Variants in DHX15 observed in about 807,000 individuals in gnomAD.
DHX15 encodes ATP-dependent RNA helicase DHX15.
Under a neutral mutation model 94.4 loss-of-function variants are expected in DHX15, and 11 were observed. The ratio of observed to expected loss-of-function variants is 0.12; its 90% CI spans 0.07 to 0.19. The LOEUF (loss-of-function observed/expected upper bound fraction) is 0.19. Ranked by LOEUF, DHX15 falls within the 10% of genes least tolerant of loss-of-function variation. The probability of loss-of-function intolerance (pLI) is 1.00; values close to 1 mark genes in which losing one functional copy is unlikely to be tolerated. For synonymous variants in DHX15, 338 were observed against 329.9 expected (o/e 1.02, Z -0.27); for missense variants, 304 against 988.5 (o/e 0.31, Z 9.29).
chr4:24,529,957 C>A, intron 12 of DHX15, 187 bp from the exon 13 acceptor site: 5 of 615,066 alleles, frequency 8.1e-6, no homozygotes, highest in Non-Finnish European at 1.4e-5. Context: ...CAACTCATAG[C>A]CTCTATTTGT....
intron 12 of DHX15, among the ~76,000 whole-genome samples, 200 bp downstream of exon 12, chr4:24,532,664 C>T (rs1721108519): frequency 6.6e-6 from 1 of 152,132 alleles, no homozygotes; most frequent in African/African-American, 2.4e-5. Context: ...CCATTTAGTA[C>T]ATTAATTTGT....
intron 13 of DHX15, among the ~76,000 whole-genome samples, 158 bp from the exon 14 acceptor site, chr4:24,528,199 G>C (rs571040554): frequency 1.2e-4 from 18 of 152,232 alleles, no homozygotes; most frequent in African/African-American, 4.3e-4. Context: ...CTTACAAATA[G>C]CACTTTTAGA....
intron 5 of DHX15, among the ~76,000 whole-genome samples, chr4:24,554,366 G>A (rs945954290): frequency 3.3e-5 from 5 of 152,190 alleles, no homozygotes; most frequent in Non-Finnish European, 7.3e-5. Flanking sequence ...AGGCACCCAA[G>A]TTCACTCACA....
intron 2 of DHX15, among the ~76,000 whole-genome samples, chr4:24,574,294 G>C (rs928943226): frequency 7.1e-6 from 1 of 140,112 alleles, no homozygotes; most frequent in Non-Finnish European, 1.6e-5. Flanking sequence ...ACCAAAAAAA[G>C]ACTGGCTTTA....
intron 2 of DHX15, among the ~76,000 whole-genome samples, chr4:24,575,271 T>C (rs1326115263): frequency 6.6e-6 from 1 of 152,208 alleles, no homozygotes; most frequent in African/African-American, 2.4e-5. Context: ...CATGTAACTT[T>C]AGAAAAAGAT....
intron 13 of DHX15, among the ~76,000 whole-genome samples, chr4:24,528,898 AAAAAC>A (rs1310159520): frequency 6.6e-6 from 1 of 151,512 alleles, no homozygotes; most frequent in Non-Finnish European, 1.5e-5. Flanking sequence ...AAAAATGTTA[AAAAAC>A]AAAACAAAAC....
intron 2 of DHX15, among the ~76,000 whole-genome samples, chr4:24,574,727 T>C (rs1268534797): frequency 1.3e-5 from 2 of 152,202 alleles, no homozygotes; most frequent in African/African-American, 2.4e-5. Flanking sequence ...TGGTGATGAA[T>C]ATCTTCCTGC....
chr4:24,554,993 T>C (rs752699388), intron 4 of DHX15, 50 bp from the exon 5 acceptor site: 4 of 1,447,612 alleles, frequency 2.8e-6, no homozygotes, highest in South Asian at 2.3e-5. Flanking sequence ...GATTCTTACA[T>C]GGTCTTACAG....
chr4:24,570,275 A>C (rs1009772143), intron 3 of DHX15, among the ~76,000 whole-genome samples: 3 of 151,234 alleles, frequency 2.0e-5, no homozygotes, highest in Non-Finnish European at 4.4e-5. Flanking sequence ...TAAATAAATC[A>C]CATCCCATCC....
intron 3 of DHX15, among the ~76,000 whole-genome samples, chr4:24,562,131 CAA>C (rs71196191): frequency 9.0e-5 from 7 of 77,824 alleles, no homozygotes; most frequent in South Asian, 5.8e-4. Context: ...GACACTGTCT[CAA>C]AAAAAAAAAA....
At chr4:24,562,062 G>A (rs765971306) in intron 3 of DHX15, among the ~76,000 whole-genome samples, 4 of 149,332 alleles carry the variant, frequency 2.7e-5, no homozygotes, top group Non-Finnish European at 5.9e-5. Flanking sequence ...CTTGAACCCA[G>A]GAGGCACAGG....
chr4:24,557,905 A>G (rs985862376), intron 3 of DHX15, among the ~76,000 whole-genome samples: 1 of 152,044 alleles, frequency 6.6e-6, no homozygotes, highest in African/African-American at 2.4e-5. Flanking sequence ...CAGTAGCAGA[A>G]CATAACATAC....
At chr4:24,529,960 CTA>C in intron 12 of DHX15, 190 bp from the exon 13 acceptor site, 1 of 609,266 alleles carries the variant, frequency 1.6e-6, no homozygotes, top group Non-Finnish European at 2.9e-6. Flanking sequence ...CTCATAGCCT[CTA>C]TTTGTAAGGT....
intron 2 of DHX15, among the ~76,000 whole-genome samples, 181 bp downstream of exon 2, chr4:24,576,062 G>C (rs1299155310): frequency 6.6e-6 from 1 of 152,084 alleles, no homozygotes; most frequent in Non-Finnish European, 1.5e-5. Context: ...TAGATTCAGG[G>C]GAGAGGTATT....
intron 1 of DHX15, among the ~76,000 whole-genome samples, chr4:24,579,589 C>G (rs1722358809): frequency 6.6e-6 from 1 of 152,168 alleles, no homozygotes; most frequent in African/African-American, 2.4e-5. Context: ...TGTCTCAGTT[C>G]AATCTTGGCT....
chr4:24,574,135 G>A (rs1405489723), intron 2 of DHX15, among the ~76,000 whole-genome samples: 2 of 145,528 alleles, frequency 1.4e-5, no homozygotes, highest in Non-Finnish European at 3.0e-5. Flanking sequence ...GAACCCAGGA[G>A]GAGGAGGTTG....
At chr4:24,548,822 T>C (rs1415925660) in intron 6 of DHX15, 33 bp downstream of exon 6, 4 of 1,580,496 alleles carry the variant, frequency 2.5e-6, no homozygotes, top group Non-Finnish European at 2.6e-6. Context: ...TCATTATTAG[T>C]GAAATATTTA....
rs58459661 is a variant in DHX15, at chr4:24,550,094, C to CAAAAAAAAAAAAAAAAAAAAAAAA, written c.1081-1096_1081-1073dup. On this transcript the variant is annotated intron_variant, in intron 5 of 13. Coordinates refer to ENST00000336812, the MANE Select transcript of DHX15 (RefSeq NM_001358.3). ...GGGCAAAAAGAGGGAAACTCCGTCT[C>CAAAAAAAAAAAAAAAAAAAAAAAA]AAAAAAAAAAAAAAAAAAAAAAAAA... Among the ~76,000 whole-genome samples the CAAAAAAAAAAAAAAAAAAAAAAAA allele has an allele frequency of 1.5e-3, 73 of 49,736 alleles. 12 individuals carry two copies. The highest frequency in any genetic ancestry group is 4.8e-3 in the South Asian group (4 of 836). The allele number at this position is 49,736 out of a possible 152,430, so 32.6% of individuals were successfully genotyped here.
rs1453920463 is a variant in DHX15, at chr4:24,551,655, G to C, written c.1081-2633C>G. ...TTTGAAAATACTGCTTTCAAATGTT[G>C]TATCTAGATTAGAATGCCCCCTGCT... On this transcript the variant is annotated intron_variant, in intron 5 of 13. Coordinates refer to ENST00000336812, the MANE Select transcript of DHX15 (RefSeq NM_001358.3). Among the ~76,000 whole-genome samples the C allele has an allele frequency of 2.0e-5, 3 of 152,206 alleles. No individual in the cohort carries two copies. The East Asian group carries it at 5.8e-4, about 29-fold the overall frequency.
Sources: allele counts gnomAD v4.1 joint callset (sites outside exome capture counted in the v4.1 genomes callset), GRCh38; gene constraint gnomAD v4.1.1; transcripts MANE v1.5; gene names NCBI Gene and HGNC (gene_info 2026-07-23, HGNC 2026-07-21).